The following SLC12A8 variants were observed in gnomAD, a reference collection of about 807,000 sequenced individuals.
SLC12A8 encodes the protein cation-chloride cotransporter 9.
A neutral mutation model predicts 75.6 loss-of-function variants in SLC12A8; 69 were observed. The observed-to-expected ratio is 0.91, with a 90% CI of 0.75 to 1.11. SLC12A8 has a LOEUF of 1.11. Among genes scored for constraint, SLC12A8 ranks in the 50% most tolerant of loss-of-function variants. The probability of loss-of-function intolerance (pLI) is 0.00; values close to 1 mark genes in which losing one functional copy is unlikely to be tolerated. For synonymous variants in SLC12A8, 365 were observed against 372.8 expected, an observed-to-expected ratio of 0.98 and a Z score of 0.24; for missense variants, 877 against 896.7, an observed-to-expected ratio of 0.98 and a Z score of 0.28.
intron 7 of SLC12A8, among the ~76,000 whole-genome samples, chr3:125,119,586 G>A (rs555070043): frequency 7.2e-5 from 11 of 152,294 alleles, no homozygotes; most frequent in Admixed American, 6.5e-4. Flanking sequence ...AAACAAGACA[G>A]GGTCCTCATT....
rs536846346 is a variant in SLC12A8 at position 125,152,632 on chromosome 3, A to T, written c.623-16850T>A. The stretch of plus-strand genomic sequence containing the variant: ...GTTGGCAGGGGGAGAGAGAGAAGGA[A>T]CCACCCCTCCCCCCAAACTCAAAGA... On this transcript the variant is annotated intron_variant, in intron 5 of 13. Transcript: ENST00000469902. Among the ~76,000 whole-genome samples, 36 of 152,246 alleles carry T rather than the reference A, an allele frequency of 2.4e-4. 1 individual carries two copies. Among genetic ancestry groups the T allele is most frequent in the South Asian group, 1.7e-3 (8 of 4,818 alleles).
chr3:125,115,924 G>A (rs1167141319), intron 8 of SLC12A8, among the ~76,000 whole-genome samples: 1 of 152,174 alleles, frequency 6.6e-6, no homozygotes, highest in East Asian at 1.9e-4. Flanking sequence ...AGGTGAACAG[G>A]TTATCAGGGT....
At chr3:125,211,552 T>C (rs1969228) in intron 1 of SLC12A8, among the ~76,000 whole-genome samples, 158 bp from the exon 2 acceptor site, 2,648 of 152,298 alleles carry the variant, frequency 0.017, 78 homozygotes, top group African/African-American at 0.061. Context: ...CCGGGTTACC[T>C]TTTTGGTACC....
chr3:125,186,874 A>G, intron 4 of SLC12A8, among the ~76,000 whole-genome samples: 1 of 152,218 alleles, frequency 6.6e-6, no homozygotes, highest in East Asian at 1.9e-4. Context: ...TCTTCAGTAA[A>G]AAAGCGTCCC....
chr3:125,111,153 A>G (rs1465213551), intron 8 of SLC12A8, among the ~76,000 whole-genome samples: 1 of 152,158 alleles, frequency 6.6e-6, no homozygotes, highest in East Asian at 1.9e-4. Context: ...CCCCTCCACT[A>G]ATCTGGAGGC....
intron 11 of SLC12A8, 82 bp downstream of exon 11, chr3:125,092,019 C>T (rs903737162): frequency 1.1e-6 from 1 of 944,778 alleles, no homozygotes; most frequent in South Asian, 1.6e-5. Flanking sequence ...CTCCATCTTT[C>T]CTCCCCCACA....
intron 5 of SLC12A8, among the ~76,000 whole-genome samples, chr3:125,155,812 A>G (rs1234802033): frequency 1.3e-5 from 2 of 148,174 alleles, no homozygotes; most frequent in Admixed American, 1.4e-4. Flanking sequence ...ACAGTTGATG[A>G]ACCACTTTTC....
At chr3:125,158,593 C>T (rs1934099780) in intron 5 of SLC12A8, among the ~76,000 whole-genome samples, 1 of 152,178 alleles carries the variant, frequency 6.6e-6, no homozygotes, top group African/African-American at 2.4e-5. Context: ...TAAGCTTTTT[C>T]TTTAGATATT....
At chr3:125,163,872 G>A (rs1934231715) in intron 5 of SLC12A8, among the ~76,000 whole-genome samples, 1 of 152,210 alleles carries the variant, frequency 6.6e-6, no homozygotes, top group Non-Finnish European at 1.5e-5. Flanking sequence ...TGTGCTCCAG[G>A]AGGTGCTGCT....
chr3:125,122,179 C>T (rs552831692), intron 6 of SLC12A8, among the ~76,000 whole-genome samples: 1 of 152,168 alleles, frequency 6.6e-6, no homozygotes, highest in East Asian at 1.9e-4. Context: ...ATGGTATGAT[C>T]CCATTATTAT....
rs186420398 is a variant in SLC12A8, at chr3:125,193,478, G to A, written c.52-2957C>T. ...AGACTTTAGCTAGTGCCCAGAGCTC[G>A]CCTCTTGGGAGAGGACTGGCTGGAG... On this transcript the variant is annotated intron_variant, in intron 2 of 13. Coordinates refer to ENST00000469902, the MANE Select transcript of SLC12A8 (RefSeq NM_024628.6). 5.3e-5 allele frequency among the ~76,000 whole-genome samples: 8 copies of A among 152,326 alleles called. No individual in the cohort carries two copies. In the East Asian group the frequency reaches 7.7e-4, roughly 15 times the overall value.
chr3:125,112,616 T>C (rs1444742244), intron 8 of SLC12A8, among the ~76,000 whole-genome samples: 1 of 152,218 alleles, frequency 6.6e-6, no homozygotes, highest in Non-Finnish European at 1.5e-5. Context: ...AACTGTTAGA[T>C]AAGCTGGATC....
chr3:125,161,440 T>C (rs1341524211), intron 5 of SLC12A8, among the ~76,000 whole-genome samples: 2 of 152,248 alleles, frequency 1.3e-5, no homozygotes, highest in Admixed American at 6.5e-5. Context: ...TGGCCCCATA[T>C]GTTTGGTTTT....
intron 6 of SLC12A8, among the ~76,000 whole-genome samples, chr3:125,128,720 A>C (rs1157597914): frequency 6.6e-6 from 1 of 152,136 alleles, no homozygotes; most frequent in African/African-American, 2.4e-5. Flanking sequence ...CCCCATCTTC[A>C]GACTGTCCCT....
chr3:125,089,699 TTTTTTG>T (rs1416868659), intron 12 of SLC12A8, among the ~76,000 whole-genome samples: 2 of 33,128 alleles, frequency 6.0e-5, no homozygotes, highest in African/African-American at 1.4e-4. Flanking sequence ...TTTTTTTTTT[TTTTTTG>T]TGAGTCGGAG....
At position 125,187,224 on chromosome 3, in the gene SLC12A8, G is replaced by T; in HGVS notation, c.390+13C>A. ...GGGCCAGGCAGGGGAAGCATCCCGG[G>T]CGCAGGCCTCACCTGTCCAAACACA... On this transcript the variant is annotated intron_variant, in intron 4 of 13. Transcript: ENST00000469902. 6 of 1,609,344 alleles carry T rather than the reference G, an allele frequency of 3.7e-6. No homozygotes were observed. Among genetic ancestry groups the T allele is most frequent in the Non-Finnish European group, 5.1e-6 (6 of 1,176,056 alleles).
rs200590675 is a variant in SLC12A8, at chr3:125,206,046, T to C, written c.51+5253A>G. On this transcript the variant is annotated intron_variant, in intron 2 of 13. Coordinates refer to ENST00000469902, the MANE Select transcript of SLC12A8 (RefSeq NM_024628.6). ...AGTTCCCTTTTCCTTCCTCCTCAGC[T>C]GCATTCATTTTTCTACATCTACTAA... Among the ~76,000 whole-genome samples the C allele has an allele frequency of 4.6e-5, 7 of 152,356 alleles. No individual in the cohort carries two copies. The East Asian group carries it at 1.3e-3, about 29-fold the overall frequency.
At chr3:125,141,906 G>T (rs760644638) in intron 5 of SLC12A8, among the ~76,000 whole-genome samples, 5 of 152,074 alleles carry the variant, frequency 3.3e-5, no homozygotes, top group Non-Finnish European at 5.9e-5. Flanking sequence ...GAGCGGCTCT[G>T]CGAGGAAAGG....
chr3:125,130,280 TATC>T (rs1302135095), intron 6 of SLC12A8, among the ~76,000 whole-genome samples: 1 of 152,120 alleles, frequency 6.6e-6, no homozygotes, highest in Non-Finnish European at 1.5e-5. Context: ...AGGCTTTTAG[TATC>T]ATTATCAAAA....
Sources: allele counts gnomAD v4.1 joint callset (sites outside exome capture counted in the v4.1 genomes callset), GRCh38; gene constraint gnomAD v4.1.1; transcripts MANE v1.5; gene names NCBI Gene and HGNC (gene_info 2026-07-23, HGNC 2026-07-21).